Variants in CNBD1 observed in about 807,000 individuals in gnomAD.
CNBD1 encodes the protein cyclic nucleotide-binding domain-containing protein 1.
In CNBD1, 71 loss-of-function variants were observed where a neutral mutation model predicts 54.4. That is an observed-to-expected ratio of 1.30 (90% confidence interval 1.08 to 1.59). The LOEUF is 1.59. Ranked by LOEUF, CNBD1 falls within the 40% of genes most tolerant of loss-of-function variation. The pLI, the probability that CNBD1 is intolerant of heterozygous loss-of-function variation, is 0.00. For missense variants in CNBD1, 659 were observed against 518.0 expected, an observed-to-expected ratio of 1.27 and a Z score of -2.64; for synonymous variants, 182 against 170.7, an observed-to-expected ratio of 1.07 and a Z score of -0.51.
intron 2 of CNBD1, among the ~76,000 whole-genome samples, chr8:86,895,325 T>G (rs1236783086): frequency 6.6e-6 from 1 of 152,158 alleles, no homozygotes; most frequent in Non-Finnish European, 1.5e-5. Context: ...TAATATTTAT[T>G]GTATGGATAT....
intron 4 of CNBD1, among the ~76,000 whole-genome samples, chr8:87,107,446 T>G (rs1811565732): frequency 6.6e-6 from 1 of 152,212 alleles, no homozygotes; most frequent in Non-Finnish European, 1.5e-5. Context: ...TCATCTTAAA[T>G]AAGACGTCCT....
intron 4 of CNBD1, among the ~76,000 whole-genome samples, chr8:86,954,973 T>A (rs1313959666): frequency 8.7e-6 from 1 of 115,014 alleles, no homozygotes; most frequent in African/African-American, 3.3e-5. Context: ...CCTAATGCAA[T>A]CCCTCCCCCC....
At position 87,174,413 on chromosome 8, in the gene CNBD1, C is replaced by T. The variant is rs191451079; in HGVS notation, c.432-31580C>T. Among the ~76,000 whole-genome samples, 256 of 152,196 alleles carry T rather than the reference C, an allele frequency of 1.7e-3. 4 individuals are homozygous for T. In the Middle Eastern group the frequency reaches 0.02, roughly 12 times the overall value. On this transcript the variant is annotated intron_variant, in intron 4 of 10. Coordinates refer to ENST00000518476, the MANE Select transcript of CNBD1 (RefSeq NM_173538.3). Reference sequence around the variant, plus strand: ...GTTGTATTGTTTAACTCTAAAATTTCTTCTTGATTATCTTTAATTATTTCA... The same window carrying T: ...GTTGTATTGTTTAACTCTAAAATTTTTTCTTGATTATCTTTAATTATTTCA...
chr8:87,079,217 ATTG>A (rs1322639812), intron 4 of CNBD1, among the ~76,000 whole-genome samples: 2 of 152,136 alleles, frequency 1.3e-5, no homozygotes, highest in Non-Finnish European at 2.9e-5. Flanking sequence ...ATAGTTTTTT[ATTG>A]TTATGATAAT....
intron 4 of CNBD1, among the ~76,000 whole-genome samples, chr8:87,193,574 AT>A (rs1483674972): frequency 6.6e-6 from 1 of 152,228 alleles, no homozygotes. Flanking sequence ...AGAAGTAACA[AT>A]AATCAGCATC....
intron 10 of CNBD1, among the ~76,000 whole-genome samples, chr8:87,363,420 C>T (rs1016713459): frequency 2.0e-5 from 3 of 152,096 alleles, no homozygotes; most frequent in Non-Finnish European, 4.4e-5. Context: ...GAGGAATTGT[C>T]ACACTGTCTT....
chr8:86,909,233 C>T (rs1016918006), intron 3 of CNBD1, among the ~76,000 whole-genome samples: 2 of 152,078 alleles, frequency 1.3e-5, no homozygotes, highest in East Asian at 3.9e-4. Flanking sequence ...ATTTAGAATA[C>T]ATAATTGTAA....
chr8:87,330,645 A>G (rs532835472), intron 8 of CNBD1, among the ~76,000 whole-genome samples: 4 of 152,082 alleles, frequency 2.6e-5, no homozygotes, highest in Non-Finnish European at 5.9e-5. Flanking sequence ...CTATTCTGAG[A>G]GAAGAAATTG....
At chr8:87,044,949 G>T (rs1449486323) in intron 4 of CNBD1, among the ~76,000 whole-genome samples, 1 of 152,108 alleles carries the variant, frequency 6.6e-6, no homozygotes, top group Non-Finnish European at 1.5e-5. Context: ...TCTCCAACTA[G>T]CCATAGTTGT....
chr8:86,984,019 C>T (rs557361861), intron 4 of CNBD1, among the ~76,000 whole-genome samples: 1 of 152,338 alleles, frequency 6.6e-6, no homozygotes, highest in African/African-American at 2.4e-5. Context: ...TCTCCCATCA[C>T]AGGCTCAGAG....
chr8:87,345,187 T>A (rs954899802), intron 8 of CNBD1, among the ~76,000 whole-genome samples: 5 of 152,188 alleles, frequency 3.3e-5, no homozygotes, highest in African/African-American at 7.2e-5. Flanking sequence ...AATATCTTAT[T>A]GAAATGAAGC....
chr8:87,295,941 A>G (rs530282407), intron 8 of CNBD1, among the ~76,000 whole-genome samples: 17 of 152,168 alleles, frequency 1.1e-4, no homozygotes, highest in Non-Finnish European at 2.1e-4. Context: ...TAAAATTTCC[A>G]AAGTAGAACT....
chr8:86,962,272 A>G (rs186313413), intron 4 of CNBD1, among the ~76,000 whole-genome samples: 6 of 152,358 alleles, frequency 3.9e-5, no homozygotes, highest in Admixed American at 1.3e-4. Flanking sequence ...AAGAAGATCC[A>G]TGAGAAAAGA....
chr8:87,331,476 G>T (rs865893922), intron 8 of CNBD1, among the ~76,000 whole-genome samples: 1 of 152,080 alleles, frequency 6.6e-6, no homozygotes, highest in Non-Finnish European at 1.5e-5. Flanking sequence ...TGGGCATTTG[G>T]GTTGGTTCCA....
At chr8:86,866,752 C>T (rs542428264) in intron 1 of CNBD1, among the ~76,000 whole-genome samples, 169 bp downstream of exon 1, 6 of 152,282 alleles carry the variant, frequency 3.9e-5, no homozygotes, top group African/African-American at 1.2e-4. Flanking sequence ...GCTTGGTCTA[C>T]TTGAAGTCAT....
intron 2 of CNBD1, among the ~76,000 whole-genome samples, chr8:87,409,776 A>G (rs1807709276): frequency 6.6e-6 from 1 of 152,010 alleles, no homozygotes; most frequent in Non-Finnish European, 1.5e-5. Context: ...TAATCCTAGC[A>G]CTTTGGGAGG....
chr8:87,345,304 T>G (rs1586033079), intron 8 of CNBD1, among the ~76,000 whole-genome samples: 1 of 152,326 alleles, frequency 6.6e-6, no homozygotes, highest in South Asian at 2.1e-4. Flanking sequence ...TTTTTGGAAC[T>G]TGGTAATCAT....
intron 4 of CNBD1, among the ~76,000 whole-genome samples, chr8:86,940,939 A>C (rs1809644338): frequency 6.6e-6 from 1 of 152,184 alleles, no homozygotes. Flanking sequence ...ACAACAGGCT[A>C]TACCAGCTGG....
intron 2 of CNBD1, among the ~76,000 whole-genome samples, chr8:87,411,683 A>G (rs1807749562): frequency 6.7e-6 from 1 of 149,590 alleles, no homozygotes; most frequent in South Asian, 2.1e-4. Context: ...AACCATTACT[A>G]TAATAATTGT....
Sources: gnomAD v4.1 joint callset for allele counts (sites outside exome capture counted in the v4.1 genomes callset) on GRCh38, gnomAD v4.1.1 for gene constraint, MANE v1.5 for transcripts, NCBI Gene and HGNC (gene_info 2026-07-23, HGNC 2026-07-21) for gene names.